EDNRB: variants seen among roughly 807,000 people sequenced by gnomAD.
EDNRB encodes the protein Hirschsprung disease 2.
EDNRB carries 18 observed loss-of-function variants against 46.4 expected under a neutral mutation model. The observed-to-expected ratio is 0.39, with a 90% confidence interval of 0.27 to 0.57. The LOEUF (loss-of-function observed/expected upper bound fraction) is 0.57, where lower values mean the gene tolerates loss of function less well. EDNRB is among the 20% of genes least tolerant of loss of function. EDNRB has a pLI of 0.61. For missense variants in EDNRB, 434 were observed against 537.5 expected, an observed-to-expected ratio of 0.81 and a Z score of 1.90; for synonymous variants, 213 against 204.9, an observed-to-expected ratio of 1.04 and a Z score of -0.34.
chr13:77,940,508 A>G (rs1880712359), intron 1 of EDNRB, among the ~76,000 whole-genome samples: 1 of 152,116 alleles, frequency 6.6e-6, no homozygotes, highest in African/African-American at 2.4e-5. Flanking sequence ...CTGGAATGGC[A>G]ACTAGAAGAT....
chr13:77,899,805 G>A, intron 6 of EDNRB, 54 bp downstream of exon 6: 4 of 1,342,248 alleles, frequency 3.0e-6, no homozygotes, highest in South Asian at 1.2e-5. Flanking sequence ...AGTTTTGAAA[G>A]CTTATATTTG....
chr13:77,918,492 C>T lies in EDNRB; in HGVS notation c.82G>A (p.Glu28Lys). The T allele has an allele frequency of 6.4e-7, 1 of 1,570,322 alleles. No homozygotes were observed. The highest frequency in any genetic ancestry group is 8.6e-7 in the Non-Finnish European group (1 of 1,163,074). Reference protein sequence around the residue: ...ACGLSRIWGEERGFPPDRATP... With the variant: ...ACGLSRIWGEKRGFPPDRATP... ...GCCCTGTCAGGCGGGAAGCCTCTCT[C>T]CTCTCCCCAGATCCGCGACAGGCCG... The change falls in exon 1 of 7, where the codon GAG becomes AAG. Residue 28 changes from glutamate to lysine, a missense_variant. Transcript: ENST00000646607. The surrounding 1 kb of genome is among the most constrained non-coding windows in gnomAD (Gnocchi z 4.5).
chr13:77,969,210 A>G (rs1193243849), intron 1 of EDNRB, among the ~76,000 whole-genome samples: 2 of 152,212 alleles, frequency 1.3e-5, no homozygotes, highest in East Asian at 1.9e-4. Flanking sequence ...ATAAACAGTA[A>G]TATTTTCAGG....
chr13:77,924,571 A>T (rs1203613590), upstream of EDNRB, among the ~76,000 whole-genome samples: 2 of 152,210 alleles, frequency 1.3e-5, no homozygotes, highest in Non-Finnish European at 2.9e-5. Flanking sequence ...TAACATCTTA[A>T]CCATTTTTTA....
In EDNRB at chr13:77,896,742, G is replaced by T. The variant is rs1367509385; in HGVS notation, c.*1458C>A. 9 of 1,372,480 alleles carry T rather than the reference G, an allele frequency of 6.6e-6. No homozygotes were observed. Among genetic ancestry groups the T allele is most frequent in the Non-Finnish European group, 8.4e-6 (9 of 1,066,860 alleles). The allele number at this position is 1,372,480 out of a possible 1,614,324, so 85.0% of individuals were successfully genotyped here. On this transcript the variant is annotated 3_prime_UTR_variant, in exon 7 of 7. Transcript: ENST00000646607. ...AACGTTAGGCTAAGAATGGGAATCT[G>T]TCCCCATGGGTTTCCTCCAACCCCA...
At chr13:77,900,442 T>G in intron 5 of EDNRB, 79 bp downstream of exon 5, 1 of 1,595,376 alleles carries the variant, frequency 6.3e-7, no homozygotes, top group Non-Finnish European at 8.6e-7. Context: ...AGTCTGTCTT[T>G]CTGCCTATAA....
chr13:77,928,812 T>C (rs1880309687), intron 1 of EDNRB, among the ~76,000 whole-genome samples: 1 of 152,198 alleles, frequency 6.6e-6, no homozygotes, highest in South Asian at 2.1e-4. Flanking sequence ...AGTGACGTTT[T>C]CACCAAATCA....
intron 1 of EDNRB, among the ~76,000 whole-genome samples, chr13:77,937,552 C>T (rs1254092513): frequency 6.6e-6 from 1 of 152,114 alleles, no homozygotes; most frequent in African/African-American, 2.4e-5. Context: ...TGAGAGAGGT[C>T]TGATAGAGAA....
At chr13:77,924,436 G>A (rs1479408975), upstream of EDNRB, among the ~76,000 whole-genome samples, 5 of 152,154 alleles carry the variant, frequency 3.3e-5, no homozygotes, top group African/African-American at 7.2e-5. Context: ...AGGGGGACAT[G>A]GCCAAGGTAA....
chr13:77,945,233 C>T (rs570994729), intron 1 of EDNRB, among the ~76,000 whole-genome samples: 1 of 152,236 alleles, frequency 6.6e-6, no homozygotes, highest in South Asian at 2.1e-4. Context: ...ATATACAGAA[C>T]TTTCTTGCTA....
Position 77,905,739 on chromosome 13 carries a change from G to A in EDNRB, c.484-2132C>T, listed in dbSNP as rs116610088. Among the ~76,000 whole-genome samples the A allele has an allele frequency of 6.1e-3, 921 of 152,050 alleles. 10 individuals carry two copies. The highest frequency in any genetic ancestry group is 0.021 in the African/African-American group (874 of 41,516). ...ACTGAAATAAGACAGTAAGCCATGC[G>A]AAGAGCATTCTAGGCAGAGGCAAGA... On this transcript the variant is annotated intron_variant, in intron 1 of 6. Transcript: ENST00000646607.
intron 1 of EDNRB, among the ~76,000 whole-genome samples, chr13:77,935,868 T>C (rs911622250): frequency 3.9e-5 from 6 of 152,140 alleles, no homozygotes; most frequent in Non-Finnish European, 7.4e-5. Flanking sequence ...GGAGAGTATA[T>C]GGGTTTGGCA....
rs151234405 is a variant in EDNRB at position 77,970,081 on chromosome 13, T to C, written c.-52+5266A>G. On this transcript the variant is annotated intron_variant, in intron 1 of 7. Coordinates refer to the EDNRB transcript ENST00000646948. ...GATTTTTTAGGAACCAGTGTCTGCA[T>C]TTTCTACTTGATGAAGAAGCTTTGG... is the stretch of plus-strand genomic sequence containing the variant. Among the ~76,000 whole-genome samples the C allele has an allele frequency of 2.1e-4, 32 of 152,336 alleles. 1 individual carries two copies. Among genetic ancestry groups the C allele is most frequent in the African/African-American group, 6.5e-4 (27 of 41,582 alleles).
At chr13:77,975,035 C>T (rs1881846681) in intron 1 of EDNRB, among the ~76,000 whole-genome samples, 1 of 152,152 alleles carries the variant, frequency 6.6e-6, no homozygotes, top group Non-Finnish European at 1.5e-5. Context: ...TTACAGTTTA[C>T]ACCAAACAAA....
intron 1 of EDNRB, among the ~76,000 whole-genome samples, chr13:77,968,967 C>T (rs1027605123): frequency 3.9e-5 from 6 of 152,128 alleles, no homozygotes; most frequent in Non-Finnish European, 8.8e-5. Context: ...TTAGGAGATA[C>T]TTAGAGTTAC....
upstream of EDNRB, among the ~76,000 whole-genome samples, chr13:77,921,893 T>A (rs925256691): frequency 6.6e-6 from 1 of 152,192 alleles, no homozygotes; most frequent in Non-Finnish European, 1.5e-5. Context: ...TCTAGGCCAA[T>A]ATTTTTTTTT....
intron 1 of EDNRB, among the ~76,000 whole-genome samples, chr13:77,972,313 G>A (rs58766782): frequency 0.25 from 37,774 of 152,132 alleles, 5,854 homozygotes; most frequent in East Asian, 0.54. Context: ...TAACGTGCAG[G>A]CGGAATATTT....
intron 1 of EDNRB, among the ~76,000 whole-genome samples, chr13:77,935,300 C>G (rs534050373): frequency 6.6e-6 from 1 of 152,158 alleles, no homozygotes; most frequent in Non-Finnish European, 1.5e-5. Flanking sequence ...GTAAGAATTC[C>G]AACTGCACAG....
intron 1 of EDNRB, among the ~76,000 whole-genome samples, chr13:77,907,037 C>T (rs1879317084): frequency 6.6e-6 from 1 of 151,844 alleles, no homozygotes; most frequent in South Asian, 2.1e-4. Flanking sequence ...TTTTTTAAAC[C>T]TATAGCTATG....
Sources: gnomAD v4.1 joint callset for allele counts (sites outside exome capture counted in the v4.1 genomes callset) on GRCh38, gnomAD v4.1.1 for gene constraint, Gnocchi (gnomAD v3.1) non-coding constraint, MANE v1.5 for transcripts, NCBI Gene and HGNC (gene_info 2026-07-23, HGNC 2026-07-21) for gene names.